Variants in PSG7 observed in about 807,000 individuals in gnomAD.
PSG7 encodes pregnancy-specific beta-1-glycoprotein 7.
PSG7 carries 57 observed loss-of-function variants against 45.6 expected under a neutral mutation model. The ratio of observed to expected loss-of-function variants is 1.25; its 90% CI spans 1.01 to 1.56. The LOEUF is 1.56. Ranked by LOEUF, PSG7 falls within the 40% of genes most tolerant of loss-of-function variation. The probability of loss-of-function intolerance (pLI) is 0.00; values close to 1 mark genes in which losing one functional copy is unlikely to be tolerated. For missense variants in PSG7, 796 were observed against 508.4 expected, an observed-to-expected ratio of 1.57 and a Z score of -5.44; for synonymous variants, 298 against 194.4, an observed-to-expected ratio of 1.53 and a Z score of -4.43.
At chr19:42,930,465 C>T (rs553413550) in intron 2 of PSG7, among the ~76,000 whole-genome samples, 35 of 151,654 alleles carry the variant, frequency 2.3e-4, no homozygotes, top group Non-Finnish European at 4.1e-4. Flanking sequence ...CATGATGCTC[C>T]CTTTCCCCTG....
At position 42,935,438 on chromosome 19, in the gene PSG7, T is replaced by C. The variant is rs782609172; in HGVS notation, c.396A>G (p.Gly132=). 6.2e-7 allele frequency: 1 copy of C among 1,612,124 alleles called. No individual in the cohort carries two copies. Among genetic ancestry groups the C allele is most frequent in the Non-Finnish European group, 8.5e-7 (1 of 1,178,956 alleles). Residue 132 remains glycine (G), a synonymous_variant, in exon 2 of 6, where the codon GGA becomes GGG. Transcript: ENST00000406070. ...LHIIKRGDGT[G]GVTGRFTFTL... ...TGAAGGTGAAACGTCCAGTTACTCCTCCAGTCCCATCACCTCGCTTTATGA... is the reference window on the plus strand; with the variant it reads ...TGAAGGTGAAACGTCCAGTTACTCCCCCAGTCCCATCACCTCGCTTTATGA...
At chr19:42,933,932 C>A (rs1452095079) in intron 2 of PSG7, among the ~76,000 whole-genome samples, 1 of 151,336 alleles carries the variant, frequency 6.6e-6, no homozygotes, top group East Asian at 1.9e-4. Context: ...CTCCGAAGGA[C>A]AAGGGACAGG....
chr19:42,927,761 G>T (rs961228524), intron 3 of PSG7, among the ~76,000 whole-genome samples: 1 of 151,600 alleles, frequency 6.6e-6, no homozygotes, highest in Non-Finnish European at 1.5e-5. Flanking sequence ...GCCAGGAGCT[G>T]GGAGTGGGGA....
rs1016523747 is a variant in PSG7, at chr19:42,925,577, G to T, written c.1243+196C>A. The T allele has an allele frequency of 2.4e-5, 32 of 1,346,404 alleles. 1 individual carries two copies. The highest frequency in any genetic ancestry group is 2.7e-4 in the Middle Eastern group (1 of 3,690). The allele number at this position is 1,346,404 out of a possible 1,614,324, so 83.4% of individuals were successfully genotyped here. A position where few individuals can be genotyped will look rare whatever the true frequency, so the allele number is the denominator to read the frequency against. ...TTCCTGCTTGGTCTAGGCTGGGAAT[G>T]TTATGAAGATATCAGCCTGTTTGTT... On this transcript the variant is annotated intron_variant, in intron 5 of 5. Coordinates refer to ENST00000406070, the MANE Select transcript of PSG7 (RefSeq NM_002783.3).
chr19:42,925,418 G>A (rs1972859292), intron 5 of PSG7: 2 of 493,572 alleles, frequency 4.1e-6, no homozygotes, highest in Admixed American at 3.9e-5. Context: ...ACCACTATAA[G>A]CTAGAGATAG....
rs548843235 is a variant in PSG7 at position 42,934,390 on chromosome 19, G to T, written c.430+1014C>A. ...CAGTAAGCCCTCACTTCTGGTGGAG[G>T]AGAGGATGGGCCTGTGGCTGCAGAC... On this transcript the variant is annotated intron_variant, in intron 2 of 5. Transcript: ENST00000406070. 1.3e-4 allele frequency among the ~76,000 whole-genome samples: 20 copies of T among 151,382 alleles called. 1 individual carries two copies. Among genetic ancestry groups the T allele is most frequent in the Non-Finnish European group, 2.5e-4 (17 of 67,850 alleles).
At chr19:42,935,123 G>T (rs28712825) in intron 2 of PSG7, among the ~76,000 whole-genome samples, 1 of 151,488 alleles carries the variant, frequency 6.6e-6, no homozygotes, top group Non-Finnish European at 1.5e-5. Flanking sequence ...TATGAAGAGG[G>T]CATGAGGTGC....
intron 2 of PSG7, among the ~76,000 whole-genome samples, chr19:42,934,025 C>T (rs1351271297): frequency 6.6e-6 from 1 of 151,390 alleles, no homozygotes; most frequent in African/African-American, 2.4e-5. Context: ...CATTCAATTC[C>T]TTTATTTGTT....
chr19:42,931,669 C>T (rs768727160), intron 2 of PSG7, among the ~76,000 whole-genome samples: 1 of 151,368 alleles, frequency 6.6e-6, no homozygotes, highest in Non-Finnish European at 1.5e-5. Context: ...AGAACTCCAA[C>T]TTATGAAAAC....
Position 42,929,729 on chromosome 19 carries a change from A to C in PSG7, c.431-9T>G. On this transcript the variant is annotated splice_polypyrimidine_tract_variant and intron_variant, in intron 2 of 5. Coordinates refer to ENST00000406070, the MANE Select transcript of PSG7 (RefSeq NM_002783.3). ...GGGTTTGGGAGTCTCCACTGTGCGG[A>C]AAACAGAGAGAAGATTGCCCTGTGT... The C allele has an allele frequency of 6.2e-7, 1 of 1,609,920 alleles. No individual in the cohort carries two copies. The highest frequency in any genetic ancestry group is 8.5e-7 in the Non-Finnish European group (1 of 1,177,816).
chr19:42,935,216 T>C (rs1048468458), intron 2 of PSG7, among the ~76,000 whole-genome samples, 188 bp downstream of exon 2: 5 of 151,886 alleles, frequency 3.3e-5, no homozygotes, highest in African/African-American at 9.7e-5. Flanking sequence ...GGTCTGGATG[T>C]GAGAAAGGAA....
intron 3 of PSG7, among the ~76,000 whole-genome samples, chr19:42,928,026 C>T (rs1972933685): frequency 6.6e-6 from 1 of 151,676 alleles, no homozygotes; most frequent in African/African-American, 2.4e-5. Context: ...TTTTCAGCAT[C>T]AGATTAGTAG....
At chr19:42,933,415 C>G (rs1206180796) in intron 2 of PSG7, among the ~76,000 whole-genome samples, 2 of 144,404 alleles carry the variant, frequency 1.4e-5, no homozygotes, top group African/African-American at 5.1e-5. Context: ...ATGGTCTTGT[C>G]CACAGGTCAG....
chr19:42,934,323 A>G (rs1237635746), intron 2 of PSG7, among the ~76,000 whole-genome samples: 1 of 151,354 alleles, frequency 6.6e-6, no homozygotes, highest in Non-Finnish European at 1.5e-5. Flanking sequence ...GCCTAAGAAG[A>G]GAGGATTTGA....
rs553817753 is a variant in PSG7, at chr19:42,931,887, CT to C, written c.431-2168del. On this transcript the variant is annotated intron_variant, in intron 2 of 5. Transcript: ENST00000406070. ...AATATGAAGTTGAAATGTTGTTCCACTTTTTTTCCCCCACTCTTTTTGAACT... is the reference window on the plus strand; with the variant it reads ...AATATGAAGTTGAAATGTTGTTCCACTTTTTTCCCCCACTCTTTTTGAACT... Among the ~76,000 whole-genome samples the C allele has an allele frequency of 3.8e-3, 551 of 145,260 alleles. 12 individuals carry two copies. Among genetic ancestry groups the C allele is most frequent in the African/African-American group, 0.013 (510 of 38,584 alleles).
In PSG7 at chr19:42,926,733, G is replaced by T. The variant is rs2122674706; in HGVS notation, c.710-17C>A. ...GCAGCTTCGCTGTGTGAATAACAGA[G>T]AGAAGATTGTCCTGTGTGGCACCTT... On this transcript the variant is annotated splice_polypyrimidine_tract_variant and intron_variant, in intron 3 of 5. Transcript: ENST00000406070. The T allele has an allele frequency of 6.2e-7, 1 of 1,609,412 alleles. No homozygotes were observed.
At chr19:42,925,488 T>C in intron 5 of PSG7, 1 of 872,424 alleles carries the variant, frequency 1.1e-6, no homozygotes, top group East Asian at 3.0e-5. Context: ...CAGCATATTT[T>C]CAAATAAAAA....
intron 5 of PSG7, chr19:42,925,077 G>A (rs1438902259): frequency 3.8e-6 from 2 of 528,436 alleles, no homozygotes; most frequent in Non-Finnish European, 6.6e-6. Context: ...TTTGCTGTAA[G>A]TTTTTATAAG....
At chr19:42,936,070 C>A in intron 1 of PSG7, 2 of 414,224 alleles carry the variant, frequency 4.8e-6, no homozygotes, top group South Asian at 3.9e-5. Flanking sequence ...GTCCGCACGG[C>A]CCCCTCCACA....
Sources: allele counts gnomAD v4.1 joint callset (sites outside exome capture counted in the v4.1 genomes callset), GRCh38; gene constraint gnomAD v4.1.1; transcripts MANE v1.5; gene names NCBI Gene and HGNC (gene_info 2026-07-23, HGNC 2026-07-21).